The following GYPC variants were observed in gnomAD, a reference collection of about 807,000 sequenced individuals.
GYPC encodes the protein glycophorin C (Gerbich blood group), also known as glycophorin-C.
Under a neutral mutation model 12.6 loss-of-function variants are expected in GYPC, and 14 were observed. The ratio of observed to expected loss-of-function variants is 1.11; its 90% CI spans 0.74 to 1.74. GYPC has a LOEUF of 1.74. GYPC is among the 40% of genes most tolerant of loss of function. The probability of loss-of-function intolerance (pLI) is 0.00; values close to 1 mark genes in which losing one functional copy is unlikely to be tolerated. For missense variants in GYPC, 225 were observed against 172.1 expected, an observed-to-expected ratio of 1.31 and a Z score of -1.72; for synonymous variants, 78 against 62.1, an observed-to-expected ratio of 1.26 and a Z score of -1.20.
chr2:126,683,791 T>C lies in GYPC; in HGVS notation c.50-6464T>C, dbSNP rs561845618. The stretch of plus-strand genomic sequence containing the variant: ...AAGCAAGTGACTAGGTATGAAAAGT[T>C]ATCCAGCAAGACTCCAAGATGTACA... On this transcript the variant is annotated intron_variant, in intron 1 of 3. Transcript: ENST00000259254. 2.0e-5 allele frequency among the ~76,000 whole-genome samples: 3 copies of C among 152,316 alleles called. No individual in the cohort carries two copies. In the South Asian group the frequency reaches 6.2e-4, roughly 32 times the overall value.
chr2:126,666,871 G>C (rs1682697637), intron 1 of GYPC, among the ~76,000 whole-genome samples: 2 of 152,164 alleles, frequency 1.3e-5, no homozygotes, highest in African/African-American at 4.8e-5. Context: ...TTGGGGATCT[G>C]GTTCGGGACA....
chr2:126,665,606 C>A (rs999391074), intron 1 of GYPC, among the ~76,000 whole-genome samples: 3 of 152,146 alleles, frequency 2.0e-5, no homozygotes, highest in African/African-American at 2.4e-5. Context: ...CAGAAGGGAG[C>A]CCTGGAGACC....
chr2:126,672,163 A>G (rs1009122683), intron 1 of GYPC, among the ~76,000 whole-genome samples: 23 of 152,172 alleles, frequency 1.5e-4, no homozygotes, highest in African/African-American at 5.3e-4. Context: ...CACCTGTTAC[A>G]GCATCCAGAA....
intron 1 of GYPC, chr2:126,685,985 T>C: frequency 6.1e-6 from 6 of 985,372 alleles, no homozygotes; most frequent in Non-Finnish European, 7.2e-6. Context: ...CCTGAATTCT[T>C]CCTTCTTTGC....
chr2:126,690,437 C>T lies in GYPC; in HGVS notation c.106+126C>T. 7.8e-6 allele frequency: 6 copies of T among 769,990 alleles called. No individual in the cohort carries two copies. In the Admixed American group the frequency reaches 9.9e-5, roughly 13 times the overall value. 47.7% of individuals were successfully genotyped at this position (769,990 alleles called of 1,614,324 possible). ...GTGAAAACATCCAGGGGAGAACTGA[C>T]CTAAGGACTTGGACAGGGGTGGCTG... is the stretch of plus-strand genomic sequence containing the variant. On this transcript the variant is annotated intron_variant, in intron 2 of 3. Transcript: ENST00000259254.
chr2:126,678,352 C>T (rs1337748033), intron 1 of GYPC: 1 of 152,250 alleles, frequency 6.6e-6, no homozygotes, highest in Non-Finnish European at 1.5e-5. Context: ...TCACCAACAG[C>T]AATGGCTAAG....
At chr2:126,671,200 G>A (rs1682843652) in intron 1 of GYPC, among the ~76,000 whole-genome samples, 2 of 152,152 alleles carry the variant, frequency 1.3e-5, no homozygotes, top group Admixed American at 1.3e-4. Context: ...GGGTAGGAGG[G>A]GCTCTTGTAG....
intron 1 of GYPC, among the ~76,000 whole-genome samples, chr2:126,685,643 C>A (rs1195514494): frequency 1.3e-5 from 2 of 152,154 alleles, no homozygotes; most frequent in Non-Finnish European, 2.9e-5. Flanking sequence ...CCTCAGCCTC[C>A]CAAAGTTGGG....
At chr2:126,671,562 C>T (rs954681939) in intron 1 of GYPC, among the ~76,000 whole-genome samples, 3 of 152,264 alleles carry the variant, frequency 2.0e-5, no homozygotes, top group Middle Eastern at 3.4e-3. Context: ...AATGTGTGTC[C>T]GTATTCTTCC....
chr2:126,671,057 G>C (rs991243662), intron 1 of GYPC, among the ~76,000 whole-genome samples: 1 of 152,134 alleles, frequency 6.6e-6, no homozygotes, highest in African/African-American at 2.4e-5. Flanking sequence ...CCCGTGAGTG[G>C]ATGGGAAGCC....
chr2:126,670,788 C>A (rs1348679953), intron 1 of GYPC, among the ~76,000 whole-genome samples: 1 of 152,130 alleles, frequency 6.6e-6, no homozygotes, highest in Non-Finnish European at 1.5e-5. Context: ...AAACTGAGAC[C>A]CACTGCCAAA....
chr2:126,673,281 T>C (rs992490759), intron 1 of GYPC, among the ~76,000 whole-genome samples: 3 of 152,074 alleles, frequency 2.0e-5, no homozygotes, highest in Non-Finnish European at 1.5e-5. Context: ...TCACCTAACA[T>C]CTTGGAAGTT....
At chr2:126,695,761 T>A (rs1460841071) in intron 3 of GYPC, among the ~76,000 whole-genome samples, 185 bp from the exon 4 acceptor site, 1 of 152,200 alleles carries the variant, frequency 6.6e-6, no homozygotes, top group Non-Finnish European at 1.5e-5. Context: ...AATGCATTTT[T>A]CATTTACAGT....
intron 1 of GYPC, among the ~76,000 whole-genome samples, chr2:126,663,716 C>A (rs1260837674): frequency 6.6e-6 from 1 of 152,202 alleles, no homozygotes; most frequent in East Asian, 1.9e-4. Flanking sequence ...CCTCTCCCTG[C>A]CCTGGGCAAG....
Position 126,696,521 on chromosome 2 carries a change from A to T in GYPC, c.*379A>T, listed in dbSNP as rs1458528916. 2 of 344,536 alleles carry T rather than the reference A, an allele frequency of 5.8e-6. No homozygotes were observed. The highest frequency in any genetic ancestry group is 1.1e-5 in the Non-Finnish European group (2 of 176,316). 21.3% of individuals were successfully genotyped at this position (344,536 alleles called of 1,614,324 possible). ...CGGGGGCTGGGGAAGCAAGGAAATA[A>T]GTCATCTGTATGCTGACTGGGGATA... On this transcript the variant is annotated 3_prime_UTR_variant, in exon 4 of 4. Transcript: ENST00000259254.
At chr2:126,667,561 G>T (rs1168725336) in intron 1 of GYPC, among the ~76,000 whole-genome samples, 1 of 151,850 alleles carries the variant, frequency 6.6e-6, no homozygotes, top group Non-Finnish European at 1.5e-5. Context: ...GCACCACCAC[G>T]CCTGGCTAAT....
rs2104813054 is a variant in GYPC, at chr2:126,695,947, T to C, written c.192T>C (p.Gly64=). The C allele has an allele frequency of 6.2e-7, 1 of 1,613,472 alleles. No individual in the cohort carries two copies. The highest frequency in any genetic ancestry group is 8.5e-7 in the Non-Finnish European group (1 of 1,179,598). The change falls in exon 4 of 4, where the codon GGT becomes GGC. Residue 64 remains glycine, a splice_region_variant and synonymous_variant. Coordinates refer to ENST00000259254, the MANE Select transcript of GYPC (RefSeq NM_002101.5). ...PTIMDIVVIA[G]VIAAVAIVLV... is the part of the protein sequence containing the mutation. ...CCTTGCACCTCTTCCCACCTGCAGG[T>C]GTGATTGCTGCTGTGGCCATCGTCC...
intron 1 of GYPC, among the ~76,000 whole-genome samples, chr2:126,677,105 G>A (rs1364777619): frequency 6.6e-6 from 1 of 152,090 alleles, no homozygotes; most frequent in African/African-American, 2.4e-5. Context: ...GTCCCCTGAG[G>A]CTGTGTGTGT....
At chr2:126,690,442 G>A (rs760702088) in intron 2 of GYPC, 131 bp downstream of exon 2, 25 of 755,452 alleles carry the variant, frequency 3.3e-5, no homozygotes, top group Non-Finnish European at 5.4e-5. Context: ...ACTGACCTAA[G>A]GACTTGGACA....
Sources: allele counts gnomAD v4.1 joint callset (sites outside exome capture counted in the v4.1 genomes callset), GRCh38; gene constraint gnomAD v4.1.1; transcripts MANE v1.5; gene names NCBI Gene and HGNC (gene_info 2026-07-23, HGNC 2026-07-21).